ROPN1B: variants seen among roughly 807,000 people sequenced by gnomAD.
ROPN1B encodes ropporin-1B.
Under a neutral mutation model 23.7 loss-of-function variants are expected in ROPN1B, and 13 were observed. The ratio of observed to expected loss-of-function variants is 0.55; its 90% CI spans 0.36 to 0.87. ROPN1B has a LOEUF of 0.87. Among genes scored for constraint, ROPN1B ranks in the 40% least tolerant of loss-of-function variants. The pLI is 0.01. For missense variants in ROPN1B, 183 were observed against 249.2 expected, an observed-to-expected ratio of 0.73 and a Z score of 1.79; for synonymous variants, 67 against 100.4, an observed-to-expected ratio of 0.67 and a Z score of 1.99.
rs769821639 is a variant in ROPN1B, at chr3:125,983,304, G to A, written c.623G>A (p.Arg208Lys). 20 of 1,613,334 alleles carry A rather than the reference G, an allele frequency of 1.2e-5. No homozygotes were observed. Among genetic ancestry groups the A allele is most frequent in the Non-Finnish European group, 1.5e-5 (18 of 1,179,490 alleles). Residue 208 changes from arginine (R) to lysine (K), a missense_variant, in exon 7 of 7, where the codon AGG becomes AAG. Transcript: ENST00000514116. Reference protein sequence around the residue: ...ITVNDFTQNPRVWLE With the variant: ...ITVNDFTQNPKVWLE ...GTGAATGACTTTACCCAAAACCCCA[G>A]GGTTTGGCTGGAGTAACAGCACAAT...
chr3:125,975,555 T>C lies in ROPN1B; in HGVS notation c.117-8T>C. On this transcript the variant is annotated splice_polypyrimidine_tract_variant and splice_region_variant and intron_variant, in intron 3 of 6. Transcript: ENST00000514116. ...GATCCTCCTACTCTCTGACTTTTTT[T>C]CTTGTAGTTATTTTGAGGCCCTGTC... is the stretch of plus-strand genomic sequence containing the variant. 4 of 1,606,580 alleles carry C rather than the reference T, an allele frequency of 2.5e-6. No homozygotes were observed. The highest frequency in any genetic ancestry group is 2.2e-5 in the East Asian group (1 of 44,818).
At chr3:125,975,881 G>A (rs1938392554) in intron 4 of ROPN1B, among the ~76,000 whole-genome samples, 2 of 152,200 alleles carry the variant, frequency 1.3e-5, no homozygotes, top group Non-Finnish European at 2.9e-5. Flanking sequence ...TGAGTCATTG[G>A]TGGGGTCATC....
At chr3:125,976,105 G>A (rs1938403711) in intron 4 of ROPN1B, among the ~76,000 whole-genome samples, 1 of 152,172 alleles carries the variant, frequency 6.6e-6, no homozygotes, top group Non-Finnish European at 1.5e-5. Flanking sequence ...GAGAGGCTGT[G>A]AGCCTCTTCA....
At chr3:125,970,778 TAAAGTA>T (rs1438213242) in intron 1 of ROPN1B, among the ~76,000 whole-genome samples, 1 of 152,172 alleles carries the variant, frequency 6.6e-6, no homozygotes, top group Non-Finnish European at 1.5e-5. Flanking sequence ...AGAACATAAA[TAAAGTA>T]AAAGGTCATG....
Position 125,982,427 on chromosome 3 carries a change from A to C in ROPN1B, c.554A>C (p.Asn185Thr). 1 of 1,597,358 alleles carries C rather than the reference A, an allele frequency of 6.3e-7. No individual in the cohort carries two copies. Reference protein sequence around the residue: ...ICASHVSRMLNYIEQEVIGPD... With the variant: ...ICASHVSRMLTYIEQEVIGPD... ...GCATCACATGTCAGCAGGATGCTAA[A>C]CTACATTGAACAGGAAGTGTAAGTT... The change falls in exon 6 of 7, where the codon AAC (asparagine) becomes ACC (threonine). Residue 185 changes from asparagine (N) to threonine (T), a missense_variant. By Grantham distance (65) the Asn-to-Thr change is moderately conservative. Transcript: ENST00000514116.
At chr3:125,970,827 T>C (rs1175796103) in intron 1 of ROPN1B, among the ~76,000 whole-genome samples, 1 of 152,180 alleles carries the variant, frequency 6.6e-6, no homozygotes, top group East Asian at 1.9e-4. Flanking sequence ...CTTTAGTTTC[T>C]TGTCTTGGGA....
At chr3:125,978,668 C>T (rs747741864) in intron 5 of ROPN1B, among the ~76,000 whole-genome samples, 1 of 152,154 alleles carries the variant, frequency 6.6e-6, no homozygotes, top group East Asian at 1.9e-4. Flanking sequence ...TTTTTGGTCT[C>T]GTCTCTCCCA....
At chr3:125,981,979 G>C in intron 5 of ROPN1B, among the ~76,000 whole-genome samples, 1 of 152,074 alleles carries the variant, frequency 6.6e-6, no homozygotes, top group Non-Finnish European at 1.5e-5. Flanking sequence ...CCTTTAGTGA[G>C]GGTATTCAGA....
At chr3:125,977,741 T>C (rs1472994951) in intron 5 of ROPN1B, 4 of 163,118 alleles carry the variant, frequency 2.5e-5, no homozygotes, top group Non-Finnish European at 5.4e-5. Context: ...ACAATTTTAC[T>C]GTTTTGAAGC....
At chr3:125,976,835 T>C (rs1580345943) in intron 4 of ROPN1B, 169 bp from the exon 5 acceptor site, 1 of 870,256 alleles carries the variant, frequency 1.1e-6, no homozygotes, top group South Asian at 1.3e-5. Context: ...TTCACTAGGA[T>C]TTGCAAAGGT....
chr3:125,972,310 T>A (rs981230173), intron 3 of ROPN1B, 140 bp downstream of exon 3: 2 of 743,018 alleles, frequency 2.7e-6, no homozygotes, highest in Non-Finnish European at 4.5e-6. Context: ...TTGCATTGCT[T>A]TGATGCTTTA....
rs183175883 is a variant in ROPN1B, at chr3:125,982,075, A to G, written c.397-195A>G. Among the ~76,000 whole-genome samples the G allele has an allele frequency of 2.2e-3, 330 of 152,340 alleles. 2 individuals are homozygous for G. The highest frequency in any genetic ancestry group is 3.4e-3 in the Non-Finnish European group (229 of 68,034). On this transcript the variant is annotated intron_variant, in intron 5 of 6. Transcript: ENST00000514116. ...TTCTAACAAAGAAAGAAAAATAAAG[A>G]TACCCAATACTCAATATTTTTTAGA...
chr3:125,975,766 C>T (rs564283912), intron 4 of ROPN1B, 86 bp downstream of exon 4: 5 of 1,261,806 alleles, frequency 4.0e-6, no homozygotes, highest in Non-Finnish European at 1.1e-6. Flanking sequence ...TGTTCTCCTG[C>T]CAGTCAGCTG....
chr3:125,983,392 A>G lies in ROPN1B; in HGVS notation c.*72A>G, dbSNP rs1287621079. ...CTTCAGAATGATAAACCCATATACCACCTAAAATCAATTTTCTTGTACAAC... is the reference window on the plus strand; with the variant it reads ...CTTCAGAATGATAAACCCATATACCGCCTAAAATCAATTTTCTTGTACAAC... On this transcript the variant is annotated 3_prime_UTR_variant, in exon 7 of 7. Transcript: ENST00000514116. 1 of 1,003,000 alleles carries G rather than the reference A, an allele frequency of 1.0e-6. No individual in the cohort carries two copies. The highest frequency in any genetic ancestry group is 2.4e-5 in the East Asian group (1 of 41,910). The allele number at this position is 1,003,000 out of a possible 1,614,324, so 62.1% of individuals were successfully genotyped here.
chr3:125,975,885 G>T (rs1235725257), intron 4 of ROPN1B, among the ~76,000 whole-genome samples: 1 of 152,170 alleles, frequency 6.6e-6, no homozygotes, highest in African/African-American at 2.4e-5. Context: ...TCATTGGTGG[G>T]GTCATCCCAG....
intron 4 of ROPN1B, chr3:125,976,752 T>C (rs1938428232): frequency 1.4e-6 from 1 of 694,486 alleles, no homozygotes; most frequent in Admixed American, 2.0e-5. Context: ...TAAAATGTAA[T>C]ATAAATGTAT....
chr3:125,982,328 G>A lies in ROPN1B; in HGVS notation c.455G>A (p.Gly152Glu), dbSNP rs769299555. 1 of 1,613,374 alleles carries A rather than the reference G, an allele frequency of 6.2e-7. No homozygotes were observed. The highest frequency in any genetic ancestry group is 1.1e-5 in the South Asian group (1 of 90,894). The change falls in exon 6 of 7, where the codon GGG (glycine) becomes GAG (glutamate). Residue 152 changes from glycine (G) to glutamate (E), a missense_variant. This residue lies in a region of ROPN1B where 80 missense variants were observed against 98.0 expected (regional missense o/e 0.82). Coordinates refer to ENST00000514116, the MANE Select transcript of ROPN1B (RefSeq NM_001308313.2). ...GTCTTATCATGTGACCACAATGGTG[G>A]GTTGCCCCGAATCCCATTCAGCACC... is the stretch of plus-strand genomic sequence containing the variant. ...CEVLSCDHNG[G>E]LPRIPFSTFQ... is the part of the protein sequence containing the mutation.
intron 4 of ROPN1B, among the ~76,000 whole-genome samples, chr3:125,976,294 TC>T (rs1938410921): frequency 6.6e-6 from 1 of 152,220 alleles, no homozygotes; most frequent in Non-Finnish European, 1.5e-5. Flanking sequence ...ACCACCTTGG[TC>T]CCAGAGGCTT....
chr3:125,978,239 G>A (rs1938492058), intron 5 of ROPN1B, among the ~76,000 whole-genome samples: 2 of 151,582 alleles, frequency 1.3e-5, no homozygotes, highest in East Asian at 1.9e-4. Flanking sequence ...CAATCAGGAC[G>A]GGAAAATCAC....
Sources: gnomAD v4.1 joint callset for allele counts (sites outside exome capture counted in the v4.1 genomes callset) on GRCh38, gnomAD v4.1.1 for gene constraint, gnomAD v4.1.1 regional missense constraint, MANE v1.5 for transcripts, NCBI Gene and HGNC (gene_info 2026-07-23, HGNC 2026-07-21) for gene names.